The following RDH10 variants were observed in gnomAD, a reference collection of about 807,000 sequenced individuals.
The protein encoded by RDH10 is retinol dehydrogenase 10 (all-trans).
In RDH10, 12 loss-of-function variants were observed where a neutral mutation model predicts 30.2. The observed-to-expected ratio is 0.40, with a 90% CI of 0.25 to 0.64. RDH10 has a LOEUF of 0.64. RDH10 is among the 30% of genes least tolerant of loss of function. The pLI is 0.43. For missense variants in RDH10, 268 were observed against 445.2 expected (o/e 0.60, Z 3.58); for synonymous variants, 189 against 172.2 (o/e 1.10, Z -0.76).
At chr8:73,305,504 A>C (rs1396440039) in intron 2 of RDH10, among the ~76,000 whole-genome samples, 1 of 152,194 alleles carries the variant, frequency 6.6e-6, no homozygotes, top group South Asian at 2.1e-4. Flanking sequence ...TAAGTAGTCT[A>C]TTTGCATGTG....
rs1052616948 is a variant in RDH10, at chr8:73,324,541, T to C, written c.*1505T>C. ...ATTGGGGAGTTTTATAAATGACTGA[T>C]TAAATTTAAAGAATTAACTTACATG... On this transcript the variant is annotated 3_prime_UTR_variant, in exon 6 of 6. Transcript: ENST00000240285. 2 of 152,606 alleles carry C rather than the reference T, an allele frequency of 1.3e-5. No individual in the cohort carries two copies. The highest frequency in any genetic ancestry group is 4.1e-4 in the South Asian group (2 of 4,834). 9.5% of individuals were successfully genotyped at this position (152,606 alleles called of 1,614,324 possible).
chr8:73,305,746 T>C (rs1032519474), intron 2 of RDH10, among the ~76,000 whole-genome samples: 1 of 152,196 alleles, frequency 6.6e-6, no homozygotes, highest in Non-Finnish European at 1.5e-5. Context: ...TTGTATCTTA[T>C]TTCCTGCACA....
chr8:73,298,880 T>C (rs1814327110), intron 2 of RDH10, among the ~76,000 whole-genome samples: 1 of 152,196 alleles, frequency 6.6e-6, no homozygotes, highest in African/African-American at 2.4e-5. Context: ...AATGGCGTGA[T>C]CTCAGCTCAC....
intron 2 of RDH10, among the ~76,000 whole-genome samples, chr8:73,301,891 CAT>C (rs113887349): frequency 6.6e-6 from 1 of 152,212 alleles, no homozygotes; most frequent in South Asian, 2.1e-4. Context: ...CCCTGTCCCA[CAT>C]GTGTTCTGAT....
intron 2 of RDH10, among the ~76,000 whole-genome samples, chr8:73,299,361 C>T (rs1814338081): frequency 6.6e-6 from 1 of 152,100 alleles, no homozygotes; most frequent in Admixed American, 6.5e-5. Context: ...GCAGTCCAAC[C>T]AAATAAACTT....
Position 73,297,229 on chromosome 8 carries a change from A to G in RDH10, c.325A>G (p.Asn109Asp), listed in dbSNP as rs774783285. The G allele has an allele frequency of 6.2e-7, 1 of 1,613,810 alleles. No homozygotes were observed. Among genetic ancestry groups the G allele is most frequent in the East Asian group, 2.2e-5 (1 of 44,884 alleles). Reference protein sequence around the residue: ...NGEEEILPHCNLQVFTYTCDV... With the variant: ...NGEEEILPHCDLQVFTYTCDV... ...TGAGGAAGAAATTCTGCCCCACTGT[A>G]ACTTGCAGGTTTTTACCTACACCTG... The change falls in exon 2 of 6, where the codon AAC (asparagine) becomes GAC (aspartate). Residue 109 changes from asparagine to aspartate, a missense_variant. Physicochemically the swap from Asn to Asp is conservative, Grantham distance 23. Coordinates refer to ENST00000240285, the MANE Select transcript of RDH10 (RefSeq NM_172037.5).
rs1814845815 is a variant in RDH10, at chr8:73,325,038, G to C, written c.*2002G>C. ...ACTCTGAAGGGTCTCAACAATGCCA[G>C]GTGGGGACAGATATACTCAGAGATT... On this transcript the variant is annotated 3_prime_UTR_variant, in exon 6 of 6. Coordinates refer to ENST00000240285, the MANE Select transcript of RDH10 (RefSeq NM_172037.5). 6.6e-6 allele frequency: 1 copy of C among 152,172 alleles called. No homozygotes were observed. Among genetic ancestry groups the C allele is most frequent in the South Asian group, 2.1e-4 (1 of 4,824 alleles). 9.4% of individuals were successfully genotyped at this position (152,172 alleles called of 1,614,324 possible).
rs914158832 is a variant in RDH10, at chr8:73,295,169, G to C, written c.-121G>C. On this transcript the variant is annotated 5_prime_UTR_variant, in exon 1 of 6. Transcript: ENST00000240285. ...CGGCGGGCACCTCGGGGGCGGGCGC[G>C]GGGCGCAGCCTTCTCGTCCCGGCCT... 4 of 990,494 alleles carry C rather than the reference G, an allele frequency of 4.0e-6. No homozygotes were observed. The African/African-American group carries it at 6.9e-5, about 17-fold the overall frequency. 61.4% of individuals were successfully genotyped at this position (990,494 alleles called of 1,614,324 possible).
At chr8:73,301,298 C>G (rs1814370725) in intron 2 of RDH10, among the ~76,000 whole-genome samples, 1 of 150,636 alleles carries the variant, frequency 6.6e-6, no homozygotes, top group Admixed American at 6.6e-5. Flanking sequence ...GATCCGCCCG[C>G]CTCGGCCTCC....
Position 73,295,244 on chromosome 8 carries a change from G to T in RDH10, c.-46G>T. The T allele has an allele frequency of 6.7e-7, 1 of 1,495,166 alleles. No individual in the cohort carries two copies. The highest frequency in any genetic ancestry group is 8.9e-7 in the Non-Finnish European group (1 of 1,125,704). The allele number at this position is 1,495,166 out of a possible 1,614,324, so 92.6% of individuals were successfully genotyped here. ...GAGCCCGATTGCCGGGCTCGGGGTG[G>T]GCGCGGACGCAGGCACTGGGCTCGT... On this transcript the variant is annotated 5_prime_UTR_variant, in exon 1 of 6. Coordinates refer to ENST00000240285, the MANE Select transcript of RDH10 (RefSeq NM_172037.5).
At chr8:73,307,156 C>A (rs920513731) in intron 2 of RDH10, among the ~76,000 whole-genome samples, 2 of 152,024 alleles carry the variant, frequency 1.3e-5, no homozygotes, top group Admixed American at 1.3e-4. Context: ...CGTTTTTTGC[C>A]TATAGTAAAA....
chr8:73,312,426 T>TC (rs1375126737), intron 2 of RDH10: 9 of 152,234 alleles, frequency 5.9e-5, no homozygotes, highest in Non-Finnish European at 1.2e-4. Context: ...ACAAGAATAC[T>TC]CCTACAGTTG....
chr8:73,313,812 G>A (rs1586193270), intron 2 of RDH10, among the ~76,000 whole-genome samples: 1 of 152,130 alleles, frequency 6.6e-6, no homozygotes, highest in East Asian at 1.9e-4. Flanking sequence ...TTAGCATCTA[G>A]CAAACCTTGC....
chr8:73,317,214 A>G (rs1352558240), intron 2 of RDH10, among the ~76,000 whole-genome samples: 19 of 152,238 alleles, frequency 1.2e-4, no homozygotes. Context: ...AGAAATGTAG[A>G]CAAAGTCAGG....
chr8:73,320,148 A>C (rs957821643), intron 3 of RDH10, among the ~76,000 whole-genome samples: 1 of 152,250 alleles, frequency 6.6e-6, no homozygotes, highest in Non-Finnish European at 1.5e-5. Context: ...GTCAAATCAT[A>C]ACAATTTATA....
chr8:73,301,408 GA>G (rs1814372616), intron 2 of RDH10, among the ~76,000 whole-genome samples: 1 of 151,702 alleles, frequency 6.6e-6, no homozygotes, highest in Non-Finnish European at 1.5e-5. Flanking sequence ...TAAATATTTA[GA>G]AGATAACCTA....
chr8:73,294,996 G>T lies in RDH10; in HGVS notation c.-294G>T. The stretch of plus-strand genomic sequence containing the variant: ...CACCGCCACTGCAGCGGAGCCGGCC[G>T]GCCGGGCGCTGCGGGACGGGCGGGC... On this transcript the variant is annotated 5_prime_UTR_variant, in exon 1 of 6. Coordinates refer to ENST00000240285, the MANE Select transcript of RDH10 (RefSeq NM_172037.5). 1 of 383,278 alleles carries T rather than the reference G, an allele frequency of 2.6e-6. No homozygotes were observed. The allele number at this position is 383,278 out of a possible 1,614,324, so 23.7% of individuals were successfully genotyped here.
At position 73,295,384 on chromosome 8, in the gene RDH10, A is replaced by G; in HGVS notation, c.95A>G (p.Lys32Arg). ...CGCTGGCTGGTGCGGCCCAAGGAGA[A>G]GAGCGTGGCGGGCCAGGTGTGCCTC... ...AARWLVRPKE[K>R]SVAGQVCLIT... The change falls in exon 1 of 6, where the codon AAG becomes AGG. Residue 32 changes from lysine (K) to arginine (R), a missense_variant. Physicochemically the swap from Lys to Arg is conservative, Grantham distance 26. Around this residue, in one of 4 missense-constraint regions of RDH10, gnomAD observed 44 missense variants for 42.1 expected, o/e 1.04. Transcript: ENST00000240285. The G allele has an allele frequency of 6.4e-7, 1 of 1,557,200 alleles. No homozygotes were observed. Among genetic ancestry groups the G allele is most frequent in the Non-Finnish European group, 8.7e-7 (1 of 1,152,352 alleles).
intron 2 of RDH10, among the ~76,000 whole-genome samples, chr8:73,314,614 C>G (rs1814627759): frequency 6.6e-6 from 1 of 152,194 alleles, no homozygotes; most frequent in Admixed American, 6.5e-5. Context: ...TTGCCCGACA[C>G]AGAGCAGAGC....
Sources: allele counts gnomAD v4.1 joint callset (sites outside exome capture counted in the v4.1 genomes callset), GRCh38; gene constraint gnomAD v4.1.1; regional missense constraint gnomAD v4.1.1; transcripts MANE v1.5; gene names NCBI Gene and HGNC (gene_info 2026-07-23, HGNC 2026-07-21).